The following CRYBG1 variants were observed in gnomAD, a reference collection of about 807,000 sequenced individuals.
The protein encoded by CRYBG1 is crystallin beta-gamma domain containing 1, also known as beta/gamma crystallin domain-containing protein 1.
A neutral mutation model predicts 189.2 loss-of-function variants in CRYBG1; 139 were observed. The ratio of observed to expected loss-of-function variants is 0.73; its 90% CI spans 0.64 to 0.85. The LOEUF (loss-of-function observed/expected upper bound fraction) is 0.85. CRYBG1 is among the 40% of genes least tolerant of loss of function. The pLI is 0.00. For synonymous variants in CRYBG1, 1,023 were observed against 1,017.1 expected (o/e 1.01, Z -0.11); for missense variants, 2,611 against 2,675.8 (o/e 0.98, Z 0.53).
intron 1 of CRYBG1, among the ~76,000 whole-genome samples, chr6:106,369,367 G>A (rs969089693): frequency 1.2e-4 from 18 of 152,224 alleles, no homozygotes; most frequent in African/African-American, 4.3e-4. Flanking sequence ...GGGGAAGAAA[G>A]TTGGCTGCTG....
chr6:106,420,447 CAT>C (rs774027526), intron 1 of CRYBG1, among the ~76,000 whole-genome samples: 5 of 152,124 alleles, frequency 3.3e-5, no homozygotes, highest in Non-Finnish European at 7.4e-5. Flanking sequence ...ATAAGATAAA[CAT>C]GTGAAAAGAG....
rs995415083 is a variant in CRYBG1 at position 106,373,072 on chromosome 6, G to A, written c.173+11991G>A. Among the ~76,000 whole-genome samples the A allele has an allele frequency of 5.9e-5, 9 of 152,254 alleles. No individual in the cohort carries two copies. The South Asian group carries it at 1.7e-3, about 28-fold the overall frequency. On this transcript the variant is annotated intron_variant, in intron 1 of 21. Coordinates refer to ENST00000633556, the MANE Select transcript of CRYBG1 (RefSeq NM_001371242.2). ...AATAAAGCTTCCCGTAGAAATGTAG[G>A]TACCCATTTACTCTCAGAGCTGTCT...
chr6:106,571,758 C>A lies in CRYBG1; in HGVS notation c.*3192C>A. On this transcript the variant is annotated 3_prime_UTR_variant, in exon 22 of 22. Transcript: ENST00000633556. Reference sequence around the variant, plus strand: ...GAAGGTGCCACAACAACCTGCAAAGCCAGTGTGAAGGAACAGCTTGAAAAA... The same window carrying A: ...GAAGGTGCCACAACAACCTGCAAAGACAGTGTGAAGGAACAGCTTGAAAAA... 1 of 431,020 alleles carries A rather than the reference C, an allele frequency of 2.3e-6. No individual in the cohort carries two copies. The highest frequency in any genetic ancestry group is 4.2e-6 in the Non-Finnish European group (1 of 238,278). The allele number at this position is 431,020 out of a possible 1,614,324, so 26.7% of individuals were successfully genotyped here. A position where few individuals can be genotyped will look rare whatever the true frequency, so the allele number is the denominator to read the frequency against.
chr6:106,498,837 G>A (rs62420854), intron 2 of CRYBG1, among the ~76,000 whole-genome samples: 152 of 152,032 alleles, frequency 1.0e-3, no homozygotes, highest in Non-Finnish European at 1.7e-3. Flanking sequence ...TCATGCCACT[G>A]CACTCCAGCC....
At chr6:106,537,631 T>C (rs535558038) in intron 8 of CRYBG1, among the ~76,000 whole-genome samples, 1 of 152,272 alleles carries the variant, frequency 6.6e-6, no homozygotes, top group East Asian at 1.9e-4. Context: ...AAACCCTAAA[T>C]ATATAAGCTG....
intron 1 of CRYBG1, among the ~76,000 whole-genome samples, chr6:106,407,002 T>G (rs1195992799): frequency 6.6e-5 from 10 of 152,168 alleles, no homozygotes; most frequent in Admixed American, 6.5e-4. Context: ...CAGCTAGCAT[T>G]GTAATGACAG....
chr6:106,487,823 A>G (rs1359805295), intron 2 of CRYBG1, among the ~76,000 whole-genome samples: 1 of 151,858 alleles, frequency 6.6e-6, no homozygotes, highest in Non-Finnish European at 1.5e-5. Flanking sequence ...TTTTGGGAGG[A>G]TCTGTTAATG....
chr6:106,566,223 G>T (rs911849839), intron 21 of CRYBG1, among the ~76,000 whole-genome samples: 1 of 150,076 alleles, frequency 6.7e-6, no homozygotes, highest in Non-Finnish European at 1.5e-5. Flanking sequence ...TTCTAGATGC[G>T]CTAGGCACAC....
intron 2 of CRYBG1, 59 bp from the exon 3 acceptor site, chr6:106,511,371 T>A (rs2114522350): frequency 7.1e-7 from 1 of 1,414,254 alleles, no homozygotes. Flanking sequence ...GTAATGTACG[T>A]CTAAGGGGAA....
intron 2 of CRYBG1, among the ~76,000 whole-genome samples, chr6:106,459,646 G>C (rs1771962999): frequency 1.3e-5 from 2 of 150,750 alleles, no homozygotes. Context: ...TCCATATGTA[G>C]AATATGATGG....
rs1382697007 is a variant in CRYBG1, at chr6:106,520,682, C to T, written c.3474C>T (p.Thr1158=). The T allele has an allele frequency of 5.0e-6, 8 of 1,614,134 alleles. No homozygotes were observed. Among genetic ancestry groups the T allele is most frequent in the South Asian group, 1.1e-5 (1 of 91,078 alleles). The change falls in exon 4 of 22, where the codon ACC becomes ACT. Residue 1158 remains threonine (T), a synonymous_variant. Coordinates refer to ENST00000633556, the MANE Select transcript of CRYBG1 (RefSeq NM_001371242.2). ...LEKVFDPKVF[T]FGLGKKKESQ... Reference sequence around the variant, plus strand: ...AGGTGTTTGATCCCAAAGTGTTTACCTTTGGTTTGGGGAAGAAGAAGGAAA... The same window carrying T: ...AGGTGTTTGATCCCAAAGTGTTTACTTTTGGTTTGGGGAAGAAGAAGGAAA...
chr6:106,566,633 G>A (rs1034352848), intron 21 of CRYBG1, among the ~76,000 whole-genome samples: 3 of 151,728 alleles, frequency 2.0e-5, no homozygotes, highest in Middle Eastern at 3.2e-3. Context: ...CACCACGCCC[G>A]GCTAGCTACA....
chr6:106,467,017 G>A (rs768542821), intron 2 of CRYBG1, among the ~76,000 whole-genome samples: 3 of 152,202 alleles, frequency 2.0e-5, no homozygotes, highest in East Asian at 1.9e-4. Context: ...CTGAGAGGCC[G>A]CTAAAACAGT....
chr6:106,554,610 A>G (rs1795547745), intron 16 of CRYBG1, among the ~76,000 whole-genome samples: 1 of 152,074 alleles, frequency 6.6e-6, no homozygotes, highest in South Asian at 2.1e-4. Flanking sequence ...AGACTGTCTC[A>G]GGAAAAAACA....
intron 2 of CRYBG1, among the ~76,000 whole-genome samples, chr6:106,488,361 A>C (rs28723543): frequency 0.12 from 18,696 of 152,130 alleles, 1,328 homozygotes; most frequent in East Asian, 0.27. Context: ...GGAAGACATA[A>C]ATGGCCTGGT....
Position 106,511,725 on chromosome 6 carries a change from C to T in CRYBG1, c.608C>T (p.Pro203Leu). 1 of 1,535,270 alleles carries T rather than the reference C, an allele frequency of 6.5e-7. No individual in the cohort carries two copies. The highest frequency in any genetic ancestry group is 8.7e-7 in the Non-Finnish European group (1 of 1,146,588). Residue 203 changes from proline to leucine, a missense_variant, in exon 3 of 22, where the codon CCC becomes CTC. Physicochemically the swap from Pro to Leu is moderately conservative, Grantham distance 98. Coordinates refer to ENST00000633556, the MANE Select transcript of CRYBG1 (RefSeq NM_001371242.2). ...AEGELPESGG[P>L]AAPPDAELSP... ...GGCGAGCTCCCCGAGAGCGGTGGCC[C>T]CGCAGCCCCCCCTGACGCCGAGCTG...
At chr6:106,430,727 C>G (rs114759236) in intron 1 of CRYBG1, among the ~76,000 whole-genome samples, 1 of 151,992 alleles carries the variant, frequency 6.6e-6, no homozygotes, top group Non-Finnish European at 1.5e-5. Flanking sequence ...TATCTCGTGG[C>G]CTTTCCCTCT....
At chr6:106,454,732 A>G (rs1034191230) in intron 2 of CRYBG1, 9 of 152,256 alleles carry the variant, frequency 5.9e-5, no homozygotes, top group Admixed American at 5.9e-4. Flanking sequence ...CATATGTTCT[A>G]TGTTATTGTA....
intron 1 of CRYBG1, among the ~76,000 whole-genome samples, chr6:106,363,490 G>A (rs1229906784): frequency 6.6e-6 from 1 of 152,110 alleles, no homozygotes; most frequent in African/African-American, 2.4e-5. Flanking sequence ...TTTAAAGAGA[G>A]TGGCAAAAGC....
Sources: allele counts gnomAD v4.1 joint callset (sites outside exome capture counted in the v4.1 genomes callset), GRCh38; gene constraint gnomAD v4.1.1; transcripts MANE v1.5; gene names NCBI Gene and HGNC (gene_info 2026-07-23, HGNC 2026-07-21).